Variants in DISC1 observed in about 807,000 individuals in gnomAD.
DISC1 encodes DISC1 scaffold protein.
In DISC1, 57 loss-of-function variants were observed where a neutral mutation model predicts 84.5. The observed-to-expected ratio is 0.67, with a 90% CI of 0.55 to 0.84. DISC1 has a LOEUF of 0.84. DISC1 is among the 40% of genes least tolerant of loss of function. DISC1 has a pLI of 0.00. For synonymous variants in DISC1, 411 were observed against 415.2 expected, an observed-to-expected ratio of 0.99 and a Z score of 0.12; for missense variants, 1,000 against 1,057.8, an observed-to-expected ratio of 0.95 and a Z score of 0.76.
chr1:231,641,920 G>A (rs994193746), intron 1 of DISC1, among the ~76,000 whole-genome samples: 2 of 152,234 alleles, frequency 1.3e-5, no homozygotes, highest in African/African-American at 4.8e-5. Flanking sequence ...TACAGGTGGA[G>A]CTGCCTGCCA....
At chr1:231,688,749 A>C (rs1293125193) in intron 1 of DISC1, among the ~76,000 whole-genome samples, 1 of 152,224 alleles carries the variant, frequency 6.6e-6, no homozygotes, top group Non-Finnish European at 1.5e-5. Context: ...GTTTGAGGGC[A>C]GGGATGGTGT....
At chr1:231,679,656 C>T (rs898340970) in intron 1 of DISC1, among the ~76,000 whole-genome samples, 3 of 152,142 alleles carry the variant, frequency 2.0e-5, no homozygotes, top group Non-Finnish European at 2.9e-5. Flanking sequence ...AATGGAGAGG[C>T]ATTACAGAGG....
chr1:231,884,731 C>T (rs1397476872), intron 9 of DISC1, among the ~76,000 whole-genome samples: 1 of 151,930 alleles, frequency 6.6e-6, no homozygotes. Context: ...CTACACCAAA[C>T]CTTCATGACA....
At chr1:231,864,162 G>A (rs892620170) in intron 9 of DISC1, among the ~76,000 whole-genome samples, 4 of 152,064 alleles carry the variant, frequency 2.6e-5, no homozygotes, top group African/African-American at 7.2e-5. Flanking sequence ...TTTATAAAAC[G>A]ATACTTGCAA....
At chr1:231,960,920 G>C (rs913339709) in intron 10 of DISC1, among the ~76,000 whole-genome samples, 1 of 152,192 alleles carries the variant, frequency 6.6e-6, no homozygotes, top group Non-Finnish European at 1.5e-5. Flanking sequence ...TGATTAATTT[G>C]TTAGACTGGT....
At chr1:231,737,192 G>A (rs1022031731) in intron 3 of DISC1, among the ~76,000 whole-genome samples, 2 of 152,166 alleles carry the variant, frequency 1.3e-5, no homozygotes, top group African/African-American at 4.8e-5. Flanking sequence ...GGTCCTACAA[G>A]TAAAACATGT....
At chr1:231,658,249 A>G (rs181536992) in intron 1 of DISC1, among the ~76,000 whole-genome samples, 3 of 152,206 alleles carry the variant, frequency 2.0e-5, no homozygotes, top group African/African-American at 7.2e-5. Flanking sequence ...GTAATTGTGA[A>G]TGGGAGTTCA....
chr1:231,626,813 G>T lies in DISC1; in HGVS notation c.-55G>T. 1 of 1,325,786 alleles carries T rather than the reference G, an allele frequency of 7.5e-7. No homozygotes were observed. Among genetic ancestry groups the T allele is most frequent in the Non-Finnish European group, 9.8e-7 (1 of 1,020,986 alleles). 82.1% of individuals were successfully genotyped at this position (1,325,786 alleles called of 1,614,324 possible). A position where few individuals can be genotyped will look rare whatever the true frequency, so the allele number is the denominator to read the frequency against. ...CTCCCTTCCCCCCGCCTCTGGCCTC[G>T]GGGAAGGAGCAGGAGGCAGCCCAGG... On this transcript the variant is annotated 5_prime_UTR_variant, in exon 1 of 13. Coordinates refer to ENST00000439617, the MANE Select transcript of DISC1 (RefSeq NM_018662.3).
chr1:232,001,111 C>G (rs183952528), intron 10 of DISC1, among the ~76,000 whole-genome samples: 31 of 137,636 alleles, frequency 2.3e-4, no homozygotes, highest in African/African-American at 7.5e-4. Flanking sequence ...GATAGAGTCT[C>G]ACTCTCACCC....
chr1:231,913,738 A>G (rs963267780), intron 9 of DISC1, among the ~76,000 whole-genome samples: 4 of 152,224 alleles, frequency 2.6e-5, no homozygotes, highest in African/African-American at 9.6e-5. Context: ...TGATTTCCCC[A>G]GTATCACAGC....
Position 232,024,618 on chromosome 1 carries a change from C to T in DISC1, c.2308-1817C>T, listed in dbSNP as rs187109303. On this transcript the variant is annotated intron_variant, in intron 11 of 12. Transcript: ENST00000439617. ...TGCAATTTTTTTTTTTTTGAGACAGCGTCTTGCTCTGTTGTCCAGGCTGGA... is the reference window on the plus strand; with the variant it reads ...TGCAATTTTTTTTTTTTTGAGACAGTGTCTTGCTCTGTTGTCCAGGCTGGA... Among the ~76,000 whole-genome samples, 505 of 151,236 alleles carry T rather than the reference C, an allele frequency of 3.3e-3. 4 individuals are homozygous for T. The highest frequency in any genetic ancestry group is 0.011 in the African/African-American group (468 of 41,254).
At chr1:231,737,059 A>G (rs1036675378) in intron 3 of DISC1, among the ~76,000 whole-genome samples, 1 of 152,238 alleles carries the variant, frequency 6.6e-6, no homozygotes, top group Admixed American at 6.5e-5. Context: ...CTGATGTGCT[A>G]AAGAATAACA....
At chr1:231,686,659 A>T (rs2064319271) in intron 1 of DISC1, among the ~76,000 whole-genome samples, 1 of 152,106 alleles carries the variant, frequency 6.6e-6, no homozygotes, top group Non-Finnish European at 1.5e-5. Flanking sequence ...TGTCTTCCCC[A>T]TTGTCCTGGG....
intron 9 of DISC1, among the ~76,000 whole-genome samples, chr1:231,835,950 T>C (rs2125840447): frequency 1.3e-5 from 2 of 152,332 alleles, no homozygotes; most frequent in South Asian, 4.1e-4. Context: ...CCACTCTGTG[T>C]ATTAATATGC....
At chr1:231,666,691 G>C (rs1456075525) in intron 1 of DISC1, among the ~76,000 whole-genome samples, 2 of 152,054 alleles carry the variant, frequency 1.3e-5, no homozygotes, top group African/African-American at 2.4e-5. Flanking sequence ...CAGCCATTTC[G>C]ATACATGACA....
chr1:231,807,374 C>G (rs2079821379), intron 8 of DISC1, among the ~76,000 whole-genome samples: 1 of 152,264 alleles, frequency 6.6e-6, no homozygotes, highest in Non-Finnish European at 1.5e-5. Context: ...CAGCTCCAGC[C>G]TTGTCCTGCT....
chr1:231,867,473 T>C (rs2085144754), intron 9 of DISC1, among the ~76,000 whole-genome samples: 1 of 152,024 alleles, frequency 6.6e-6, no homozygotes, highest in African/African-American at 2.4e-5. Flanking sequence ...GAGGGAATAG[T>C]GAGGTACCCA....
At chr1:231,797,868 G>GA (rs1186271869) in intron 7 of DISC1, among the ~76,000 whole-genome samples, 2 of 151,982 alleles carry the variant, frequency 1.3e-5, no homozygotes, top group African/African-American at 4.8e-5. Flanking sequence ...AAATAAAAAG[G>GA]ATACACAGGT....
chr1:231,992,616 A>G (rs1558815792), intron 10 of DISC1, among the ~76,000 whole-genome samples: 2 of 152,182 alleles, frequency 1.3e-5, no homozygotes, highest in Admixed American at 6.5e-5. Flanking sequence ...AAAAATTTTC[A>G]TTTAGCTATT....
Sources: gnomAD v4.1 joint callset for allele counts (sites outside exome capture counted in the v4.1 genomes callset) on GRCh38, gnomAD v4.1.1 for gene constraint, MANE v1.5 for transcripts, NCBI Gene and HGNC (gene_info 2026-07-23, HGNC 2026-07-21) for gene names.